The following NCAM2 variants were observed in gnomAD, a reference collection of about 807,000 sequenced individuals.
NCAM2 encodes the protein neural cell adhesion molecule 2, also known as N-CAM-2.
In NCAM2, 30 loss-of-function variants were observed where a neutral mutation model predicts 98.1. The observed-to-expected ratio is 0.31, with a 90% CI of 0.23 to 0.41. NCAM2 has a LOEUF of 0.41. Among genes scored for constraint, NCAM2 ranks in the 10% least tolerant of loss-of-function variants. The probability of loss-of-function intolerance (pLI) is 1.00; values close to 1 mark genes in which losing one functional copy is unlikely to be tolerated. For missense variants in NCAM2, 867 were observed against 1,005.8 expected (o/e 0.86, Z 1.87); for synonymous variants, 368 against 342.4 (o/e 1.07, Z -0.83).
chr21:21,447,369 C>T (rs966084740), intron 12 of NCAM2, among the ~76,000 whole-genome samples: 4 of 152,006 alleles, frequency 2.6e-5, no homozygotes, highest in African/African-American at 9.7e-5. Context: ...GAAACTGGAC[C>T]CCTTCCTTAC....
rs9985108 is a variant in NCAM2 at position 21,351,908 on chromosome 21, G to A, written c.1044+13374G>A. Among the ~76,000 whole-genome samples the A allele has an allele frequency of 4.4e-3, 667 of 151,930 alleles. 5 individuals are homozygous for A. Among genetic ancestry groups the A allele is most frequent in the Middle Eastern group, 0.024 (7 of 292 alleles). On this transcript the variant is annotated intron_variant, in intron 8 of 17. Coordinates refer to ENST00000400546, the MANE Select transcript of NCAM2 (RefSeq NM_004540.5). ...ATTACAGGCACACGCCATCACGCCC[G>A]GCTAATTTTTTTATTATTATTACTA...
intron 9 of NCAM2, among the ~76,000 whole-genome samples, chr21:21,382,198 G>A (rs935142403): frequency 2.0e-5 from 3 of 152,080 alleles, no homozygotes; most frequent in African/African-American, 7.2e-5. Flanking sequence ...TATTTGGAGT[G>A]TACTGAGCTT....
At chr21:21,197,693 C>T (rs1463532406) in intron 1 of NCAM2, among the ~76,000 whole-genome samples, 13 of 152,142 alleles carry the variant, frequency 8.5e-5, no homozygotes. Context: ...TCTGTGTTTT[C>T]TCTTATGAAG....
chr21:21,150,810 T>C (rs1245631803), intron 1 of NCAM2, among the ~76,000 whole-genome samples: 2 of 151,906 alleles, frequency 1.3e-5, no homozygotes, highest in African/African-American at 4.8e-5. Flanking sequence ...ATGATATTTT[T>C]ATAAAATTAA....
chr21:21,096,120 T>G (rs2066117692), intron 1 of NCAM2, among the ~76,000 whole-genome samples: 1 of 151,672 alleles, frequency 6.6e-6, no homozygotes, highest in Admixed American at 6.6e-5. Context: ...TATTGTTAAT[T>G]TCAATTAATA....
intron 1 of NCAM2, among the ~76,000 whole-genome samples, chr21:21,127,652 C>G (rs1307730101): frequency 5.9e-5 from 9 of 152,090 alleles, no homozygotes; most frequent in Admixed American, 5.9e-4. Context: ...CTATTCTACT[C>G]TCTACCTTTA....
intron 1 of NCAM2, among the ~76,000 whole-genome samples, chr21:21,034,815 A>G (rs887031808): frequency 2.6e-4 from 38 of 146,566 alleles, no homozygotes; most frequent in Non-Finnish European, 3.1e-4. Context: ...TATTTGTGAA[A>G]CAAGTTTAGT....
chr21:21,200,314 G>T (rs1044050977), intron 1 of NCAM2, among the ~76,000 whole-genome samples: 5 of 151,272 alleles, frequency 3.3e-5, no homozygotes, highest in African/African-American at 1.2e-4. Context: ...ACCAGGAAAC[G>T]CTGCGTGAGG....
intron 1 of NCAM2, among the ~76,000 whole-genome samples, chr21:21,139,460 T>G (rs2067123570): frequency 6.6e-6 from 1 of 152,214 alleles, no homozygotes; most frequent in Non-Finnish European, 1.5e-5. Flanking sequence ...TTTCTGAAGA[T>G]TAAGCACGAC....
At chr21:21,357,693 A>T (rs232482) in intron 8 of NCAM2, among the ~76,000 whole-genome samples, 54,433 of 151,876 alleles carry the variant, frequency 0.36, 9,965 homozygotes, top group East Asian at 0.58. Flanking sequence ...TTTATTACTT[A>T]TATGAGGAAT....
intron 6 of NCAM2, among the ~76,000 whole-genome samples, chr21:21,333,873 C>T (rs1023576296): frequency 2.0e-5 from 3 of 151,886 alleles, no homozygotes; most frequent in Non-Finnish European, 2.9e-5. Flanking sequence ...GATAAAAACT[C>T]TGAAATGTCA....
At chr21:21,164,786 T>C (rs2067899269) in intron 1 of NCAM2, among the ~76,000 whole-genome samples, 1 of 152,120 alleles carries the variant, frequency 6.6e-6, no homozygotes, top group East Asian at 1.9e-4. Flanking sequence ...GTGTTAGGGG[T>C]CAAATAGTGA....
At chr21:21,357,147 A>T (rs1602091404) in intron 8 of NCAM2, among the ~76,000 whole-genome samples, 1 of 152,172 alleles carries the variant, frequency 6.6e-6, no homozygotes, top group South Asian at 2.1e-4. Flanking sequence ...TATACAAAAT[A>T]CCAGTTTTGA....
intron 1 of NCAM2, among the ~76,000 whole-genome samples, chr21:21,265,003 T>TAC (rs1252065345): frequency 1.8e-5 from 2 of 110,780 alleles, no homozygotes; most frequent in African/African-American, 6.6e-5. Flanking sequence ...TGTGTATATA[T>TAC]ACACATATAT....
chr21:21,293,288 ATTT>A (rs34325709), intron 5 of NCAM2, among the ~76,000 whole-genome samples: 1 of 149,064 alleles, frequency 6.7e-6, no homozygotes, highest in African/African-American at 2.5e-5. Context: ...TGGTGATCTA[ATTT>A]TTTTTTTTCT....
intron 1 of NCAM2, among the ~76,000 whole-genome samples, chr21:21,036,540 G>T (rs1323350536): frequency 6.6e-6 from 1 of 152,124 alleles, no homozygotes; most frequent in Admixed American, 6.6e-5. Context: ...ATGCTTATGG[G>T]CACAGAAGTC....
intron 11 of NCAM2, among the ~76,000 whole-genome samples, chr21:21,420,489 T>C (rs2077089452): frequency 6.6e-6 from 1 of 152,044 alleles, no homozygotes; most frequent in Non-Finnish European, 1.5e-5. Flanking sequence ...TATTGTAATA[T>C]TATATTTTAA....
intron 1 of NCAM2, among the ~76,000 whole-genome samples, chr21:21,190,054 G>C (rs1430264114): frequency 6.6e-6 from 1 of 152,180 alleles, no homozygotes; most frequent in Non-Finnish European, 1.5e-5. Context: ...TCCAAGAGAA[G>C]AATGCATATG....
intron 1 of NCAM2, among the ~76,000 whole-genome samples, chr21:21,089,065 G>A (rs888795113): frequency 7.1e-6 from 1 of 141,536 alleles, no homozygotes; most frequent in Non-Finnish European, 1.5e-5. Context: ...GCTAAATTAT[G>A]TCAATCATTT....
Sources: allele counts gnomAD v4.1 joint callset (sites outside exome capture counted in the v4.1 genomes callset), GRCh38; gene constraint gnomAD v4.1.1; transcripts MANE v1.5; gene names NCBI Gene and HGNC (gene_info 2026-07-23, HGNC 2026-07-21).